Variants in HEXB observed in about 807,000 individuals in gnomAD.
HEXB encodes beta-hexosaminidase subunit beta.
A neutral mutation model predicts 71.2 loss-of-function variants in HEXB; 51 were observed. The observed-to-expected ratio is 0.72, with a 90% confidence interval of 0.57 to 0.90. HEXB has a LOEUF of 0.90. Among genes scored for constraint, HEXB ranks in the 40% least tolerant of loss-of-function variants. HEXB has a pLI of 0.00. For missense variants in HEXB, 617 were observed against 677.0 expected, an observed-to-expected ratio of 0.91 and a Z score of 0.98; for synonymous variants, 266 against 249.3, an observed-to-expected ratio of 1.07 and a Z score of -0.63.
At chr5:74,716,143 A>G (rs1282342653) in intron 8 of HEXB, among the ~76,000 whole-genome samples, 1 of 152,090 alleles carries the variant, frequency 6.6e-6, no homozygotes, top group Non-Finnish European at 1.5e-5. Flanking sequence ...AAACTGGGCA[A>G]CATGACTCCT....
intron 5 of HEXB, among the ~76,000 whole-genome samples, chr5:74,697,454 G>T (rs11959392): frequency 0.026 from 3,919 of 152,198 alleles, 70 homozygotes; most frequent in Middle Eastern, 0.051. Context: ...ACCCAGGTGC[G>T]GTGGCTTACA....
At chr5:74,663,421 C>G (rs1748367279) in intron 1 of HEXB, among the ~76,000 whole-genome samples, 1 of 152,060 alleles carries the variant, frequency 6.6e-6, no homozygotes, top group Non-Finnish European at 1.5e-5. Context: ...TATGTCCTAA[C>G]CTCAGGTGAT....
rs1018649933 is a variant in HEXB, at chr5:74,685,267, C to T, written c.7C>T (p.Leu3=). Residue 3 remains leucine, a synonymous_variant, in exon 1 of 14, where the codon CTG becomes TTG. Coordinates refer to ENST00000261416, the MANE Select transcript of HEXB (RefSeq NM_000521.4). ME[L]CGLGLPRPPM... ...GGAAAGCAGCCGAGCGGCCATGGAG[C>T]TGTGCGGGCTGGGGCTGCCCCGGCC... 14 of 1,532,162 alleles carry T rather than the reference C, an allele frequency of 9.1e-6. No individual in the cohort carries two copies. Among genetic ancestry groups the T allele is most frequent in the Non-Finnish European group, 1.2e-5 (14 of 1,145,724 alleles). The allele number at this position is 1,532,162 out of a possible 1,614,324, so 94.9% of individuals were successfully genotyped here.
At chr5:74,709,557 A>G (rs1749487954) in intron 6 of HEXB, among the ~76,000 whole-genome samples, 1 of 152,158 alleles carries the variant, frequency 6.6e-6, no homozygotes, top group South Asian at 2.1e-4. Context: ...AAGACTAATA[A>G]AAAAAGAGAG....
At chr5:74,650,339 A>G (rs192184783) in intron 1 of HEXB, among the ~76,000 whole-genome samples, 1 of 152,362 alleles carries the variant, frequency 6.6e-6, no homozygotes, top group African/African-American at 2.4e-5. Flanking sequence ...TGCTAAACAC[A>G]CAAAAACATA....
rs34224491 is a variant in HEXB at position 74,650,925 on chromosome 5, CAAA to C, written c.-377+10386_-377+10388del. Among the ~76,000 whole-genome samples the C allele has an allele frequency of 9.1e-3, 867 of 95,458 alleles. 3 individuals are homozygous for C. The highest frequency in any genetic ancestry group is 0.017 in the African/African-American group (420 of 25,092). 62.6% of individuals were successfully genotyped at this position (95,458 alleles called of 152,430 possible). A position where few individuals can be genotyped will look rare whatever the true frequency, so the allele number is the denominator to read the frequency against. ...TGGGCAACAGCGTGAGACTCTGTCT[CAAA>C]AAAAAAAAAAAAAAAAAAGGCAACT... On this transcript the variant is annotated intron_variant, in intron 1 of 13. Transcript: ENST00000511181.
chr5:74,643,220 G>A (rs1156685847), intron 1 of HEXB, among the ~76,000 whole-genome samples: 4 of 152,176 alleles, frequency 2.6e-5, no homozygotes, highest in Non-Finnish European at 5.9e-5. Flanking sequence ...AGCTGAAAAT[G>A]ATTTGCAAGT....
chr5:74,649,081 G>A (rs1028804917), intron 1 of HEXB, among the ~76,000 whole-genome samples: 5 of 152,210 alleles, frequency 3.3e-5, no homozygotes, highest in Admixed American at 2.0e-4. Flanking sequence ...GTAGACCCTT[G>A]TGGATCCGTT....
chr5:74,685,179 G>C, upstream of HEXB: 1 of 1,381,758 alleles, frequency 7.2e-7, no homozygotes, highest in South Asian at 1.6e-5. Flanking sequence ...CCGCGGCCGC[G>C]CTTCCTCTGA....
At chr5:74,713,195 C>T (rs1473504988) in intron 6 of HEXB, among the ~76,000 whole-genome samples, 5 of 152,258 alleles carry the variant, frequency 3.3e-5, no homozygotes, top group South Asian at 2.1e-4. Context: ...AGTAAATCTG[C>T]GGTTAGCCCA....
intron 7 of HEXB, among the ~76,000 whole-genome samples, chr5:74,714,648 T>C (rs1465955044): frequency 2.6e-5 from 4 of 152,248 alleles, no homozygotes; most frequent in Non-Finnish European, 5.9e-5. Context: ...CTTGGGCAAG[T>C]TACAATATCT....
At chr5:74,653,651 A>C (rs75827916) in intron 1 of HEXB, among the ~76,000 whole-genome samples, 4 of 152,192 alleles carry the variant, frequency 2.6e-5, no homozygotes, top group African/African-American at 9.7e-5. Context: ...TTGATGTCAT[A>C]GTTACTTTTG....
chr5:74,689,339 A>C lies in HEXB; in HGVS notation c.311A>C (p.Tyr104Ser), dbSNP rs762209256. 4 of 1,612,834 alleles carry C rather than the reference A, an allele frequency of 2.5e-6. No individual in the cohort carries two copies. Among genetic ancestry groups the C allele is most frequent in the Non-Finnish European group, 3.4e-6 (4 of 1,178,912 alleles). The change falls in exon 2 of 14, where the codon TAT becomes TCT. Residue 104 changes from tyrosine to serine, a missense_variant. Physicochemically the swap from Tyr to Ser is moderately radical, Grantham distance 144. Transcript: ENST00000261416. ...TATTTCTCAAACAGATATCATGGCTATATTTTTGGTTTCTACAAGTGGCAT... is the reference window on the plus strand; with the variant it reads ...TATTTCTCAAACAGATATCATGGCTCTATTTTTGGTTTCTACAAGTGGCAT... ...LEEAFRRYHG[Y>S]IFGFYKWHHE...
intron 1 of HEXB, among the ~76,000 whole-genome samples, chr5:74,649,719 G>A (rs1748068363): frequency 6.6e-6 from 1 of 152,186 alleles, no homozygotes; most frequent in Non-Finnish European, 1.5e-5. Context: ...AAATGGTATA[G>A]TTGTGTTTTT....
intron 1 of HEXB, among the ~76,000 whole-genome samples, chr5:74,647,719 T>C (rs1259075268): frequency 1.3e-5 from 2 of 152,258 alleles, no homozygotes; most frequent in Non-Finnish European, 2.9e-5. Context: ...TTTGGAAATA[T>C]TGACATATCA....
At chr5:74,653,938 A>G (rs1175495236) in intron 1 of HEXB, among the ~76,000 whole-genome samples, 4 of 152,260 alleles carry the variant, frequency 2.6e-5, no homozygotes, top group Non-Finnish European at 4.4e-5. Flanking sequence ...ATCAGTAATA[A>G]GGCCATGCCC....
intron 9 of HEXB, among the ~76,000 whole-genome samples, chr5:74,717,564 A>G (rs938718565): frequency 1.3e-5 from 2 of 151,846 alleles, no homozygotes; most frequent in African/African-American, 4.8e-5. Context: ...CTTTTTCTGT[A>G]AAGGGTCAGA....
chr5:74,655,642 C>A (rs4703637), intron 1 of HEXB, among the ~76,000 whole-genome samples: 40,381 of 151,966 alleles, frequency 0.27, 5,775 homozygotes, highest in Admixed American at 0.37. Context: ...GCCTCAGAAT[C>A]ATTCATTTTA....
intron 2 of HEXB, among the ~76,000 whole-genome samples, chr5:74,692,689 C>T (rs1258373942): frequency 6.6e-6 from 1 of 152,234 alleles, no homozygotes; most frequent in Non-Finnish European, 1.5e-5. Context: ...GCTAACTATT[C>T]TGTGAGCATC....
Sources: gnomAD v4.1 joint callset for allele counts (sites outside exome capture counted in the v4.1 genomes callset) on GRCh38, gnomAD v4.1.1 for gene constraint, MANE v1.5 for transcripts, NCBI Gene and HGNC (gene_info 2026-07-23, HGNC 2026-07-21) for gene names.